The following KLHL2 variants were observed in gnomAD, a reference collection of about 807,000 sequenced individuals.
KLHL2 encodes kelch like family member 2, also known as kelch-like protein 2.
Under a neutral mutation model 75.8 loss-of-function variants are expected in KLHL2, and 15 were observed. The ratio of observed to expected loss-of-function variants is 0.20; its 90% CI spans 0.13 to 0.30. The LOEUF is 0.30. KLHL2 is among the 10% of genes least tolerant of loss of function. KLHL2 has a pLI of 1.00. For synonymous variants in KLHL2, 214 were observed against 251.9 expected (o/e 0.85, Z 1.42); for missense variants, 381 against 741.0 (o/e 0.51, Z 5.64).
At chr4:165,291,411 A>G (rs1744496196) in intron 5 of KLHL2, among the ~76,000 whole-genome samples, 1 of 152,028 alleles carries the variant, frequency 6.6e-6, no homozygotes, top group Non-Finnish European at 1.5e-5. Context: ...TGCCATACCC[A>G]AGGTTAGTTA....
rs562893214 is a variant in KLHL2, at chr4:165,293,782, C to T, written c.545-577C>T. ...CCGCCCGCCTCTGCCTCCCAAAGTG[C>T]TGGGATTATAGGCATGAGCCACTGC... On this transcript the variant is annotated intron_variant, in intron 5 of 14. Coordinates refer to ENST00000226725, the MANE Select transcript of KLHL2 (RefSeq NM_007246.4). Among the ~76,000 whole-genome samples, 184 of 151,204 alleles carry T rather than the reference C, an allele frequency of 1.2e-3. 1 individual carries two copies. The highest frequency in any genetic ancestry group is 4.3e-3 in the African/African-American group (176 of 41,144).
At chr4:165,245,087 G>A (rs571431101) in intron 4 of KLHL2, among the ~76,000 whole-genome samples, 42 of 152,144 alleles carry the variant, frequency 2.8e-4, no homozygotes, top group Non-Finnish European at 4.3e-4. Context: ...GCACACTTGT[G>A]GTCCCAGCTA....
At chr4:165,246,589 A>G (rs1309536953) in intron 4 of KLHL2, among the ~76,000 whole-genome samples, 1 of 152,160 alleles carries the variant, frequency 6.6e-6, no homozygotes, top group Non-Finnish European at 1.5e-5. Flanking sequence ...GGAATTTACT[A>G]ATGGATTTGC....
At chr4:165,281,754 G>A (rs1048452913) in intron 5 of KLHL2, among the ~76,000 whole-genome samples, 1 of 152,194 alleles carries the variant, frequency 6.6e-6, no homozygotes, top group East Asian at 1.9e-4. Context: ...CATTATAGAA[G>A]GAATGGAATG....
intron 2 of KLHL2, among the ~76,000 whole-genome samples, chr4:165,225,790 A>G (rs1445745758): frequency 6.6e-6 from 1 of 152,202 alleles, no homozygotes; most frequent in Admixed American, 6.5e-5. Flanking sequence ...AAAATATGTT[A>G]TTACTGAAGA....
At chr4:165,315,703 A>T (rs1334269311) in intron 13 of KLHL2, among the ~76,000 whole-genome samples, 1 of 152,174 alleles carries the variant, frequency 6.6e-6, no homozygotes, top group African/African-American at 2.4e-5. Context: ...TTCTGATAAG[A>T]TCTGTTCAGC....
At chr4:165,292,530 G>A (rs34582676) in intron 5 of KLHL2, among the ~76,000 whole-genome samples, 5,812 of 151,740 alleles carry the variant, frequency 0.038, 195 homozygotes, top group Admixed American at 0.088. Context: ...ACGGGGTTTC[G>A]CCATATTGTC....
chr4:165,240,731 T>G (rs534739330), intron 4 of KLHL2, among the ~76,000 whole-genome samples: 2 of 152,228 alleles, frequency 1.3e-5, no homozygotes, highest in Non-Finnish European at 2.9e-5. Context: ...ATGGGCCTCA[T>G]TATGTCCTTA....
chr4:165,238,662 A>C, intron 3 of KLHL2, 116 bp from the exon 4 acceptor site: 1 of 1,546,006 alleles, frequency 6.5e-7, no homozygotes, highest in Non-Finnish European at 8.7e-7. Context: ...AAAGTGGCTG[A>C]TTATGCTGCC....
chr4:165,299,478 C>T (rs1387636975), intron 7 of KLHL2, 29 bp from the exon 8 acceptor site: 6 of 1,579,750 alleles, frequency 3.8e-6, no homozygotes, highest in Non-Finnish European at 5.2e-6. Flanking sequence ...GCCCTACCCT[C>T]AGTGGGTGTG....
intron 4 of KLHL2, among the ~76,000 whole-genome samples, chr4:165,260,972 T>C (rs1377717471): frequency 6.6e-6 from 1 of 152,242 alleles, no homozygotes; most frequent in Non-Finnish European, 1.5e-5. Flanking sequence ...CCAACCACTT[T>C]TTCCTCATCG....
intron 8 of KLHL2, among the ~76,000 whole-genome samples, chr4:165,304,161 G>A (rs532788248): frequency 7.2e-5 from 11 of 152,264 alleles, no homozygotes; most frequent in Admixed American, 3.3e-4. Flanking sequence ...GATTACAGAC[G>A]TGAGCCACCA....
chr4:165,283,962 A>G lies in KLHL2; in HGVS notation c.545-10397A>G, dbSNP rs12500015. 2.0e-3 allele frequency among the ~76,000 whole-genome samples: 302 copies of G among 152,342 alleles called. 2 individuals carry two copies. The highest frequency in any genetic ancestry group is 0.012 in the East Asian group (63 of 5,180). The stretch of plus-strand genomic sequence containing the variant: ...CTTGAGGCTTGCACCCTTGGAGGCC[A>G]CGGCCTGAGCTCTATGTTGGCCCCT... On this transcript the variant is annotated intron_variant, in intron 5 of 14. Transcript: ENST00000226725.
chr4:165,244,074 G>A (rs997909661), intron 4 of KLHL2, among the ~76,000 whole-genome samples: 1 of 151,768 alleles, frequency 6.6e-6, no homozygotes, highest in African/African-American at 2.4e-5. Flanking sequence ...TTTAAGTGCA[G>A]CAAGAACTGA....
chr4:165,208,739 G>A (rs1170386820), intron 1 of KLHL2, among the ~76,000 whole-genome samples: 1 of 151,902 alleles, frequency 6.6e-6, no homozygotes, highest in African/African-American at 2.4e-5. Flanking sequence ...TTCAATTTTG[G>A]TTCCCTCTTC....
rs957875975 is a variant in KLHL2, at chr4:165,220,189, C to G, written c.152+130C>G. On this transcript the variant is annotated intron_variant, in intron 2 of 14. Transcript: ENST00000226725. Reference sequence around the variant, plus strand: ...CACAGAACATTAAAAGCTTTTTCTGCAAGTTTTTTAAAGGAAAAGAGCAAA... The same window carrying G: ...CACAGAACATTAAAAGCTTTTTCTGGAAGTTTTTTAAAGGAAAAGAGCAAA... 4.2e-6 allele frequency: 6 copies of G among 1,425,016 alleles called. No homozygotes were observed. The African/African-American group carries it at 7.2e-5, about 17-fold the overall frequency. 88.3% of individuals were successfully genotyped at this position (1,425,016 alleles called of 1,614,324 possible). A position where few individuals can be genotyped will look rare whatever the true frequency, so the allele number is the denominator to read the frequency against.
chr4:165,241,962 A>G (rs931187377), intron 4 of KLHL2, among the ~76,000 whole-genome samples: 1 of 152,180 alleles, frequency 6.6e-6, no homozygotes, highest in East Asian at 1.9e-4. Context: ...ATTCTTGGCC[A>G]TTCCAGGTTT....
chr4:165,286,452 A>G (rs530691931), intron 5 of KLHL2, among the ~76,000 whole-genome samples: 1 of 152,280 alleles, frequency 6.6e-6, no homozygotes, highest in African/African-American at 2.4e-5. Flanking sequence ...CAAGTGGAGA[A>G]TCAAAAGGAG....
chr4:165,282,738 TGTG>T (rs1743792383), intron 5 of KLHL2, among the ~76,000 whole-genome samples: 1 of 136,756 alleles, frequency 7.3e-6, no homozygotes, highest in Non-Finnish European at 1.6e-5. Flanking sequence ...TTCAGTTTAT[TGTG>T]GTGGCAGAAT....
Sources: allele counts gnomAD v4.1 joint callset (sites outside exome capture counted in the v4.1 genomes callset), GRCh38; gene constraint gnomAD v4.1.1; transcripts MANE v1.5; gene names NCBI Gene and HGNC (gene_info 2026-07-23, HGNC 2026-07-21).